FOCAD: variants seen among roughly 807,000 people sequenced by gnomAD.
FOCAD encodes focadhesin.
A neutral mutation model predicts 225.6 loss-of-function variants in FOCAD; 198 were observed. The observed-to-expected ratio is 0.88, with a 90% confidence interval of 0.78 to 0.99. The LOEUF (loss-of-function observed/expected upper bound fraction) is 0.99. Ranked by LOEUF, FOCAD falls within the 50% of genes least tolerant of loss-of-function variation. The pLI, the probability that FOCAD is intolerant of heterozygous loss-of-function variation, is 0.00. For missense variants in FOCAD, 2,713 were observed against 2,123.6 expected (o/e 1.28, Z -5.46); for synonymous variants, 897 against 755.0 (o/e 1.19, Z -3.08).
intron 35 of FOCAD, among the ~76,000 whole-genome samples, chr9:20,967,219 G>A (rs1587739963): frequency 2.0e-5 from 3 of 152,030 alleles, no homozygotes; most frequent in Admixed American, 2.0e-4. Flanking sequence ...AAACTTTTCG[G>A]TGTATAAGTC....
chr9:20,715,693 G>T (rs72701992), intron 2 of FOCAD, among the ~76,000 whole-genome samples: 27,334 of 151,268 alleles, frequency 0.18, 2,824 homozygotes, highest in South Asian at 0.35. Context: ...TGTTTGTTTG[G>T]TTTTTTTTGG....
intron 10 of FOCAD, among the ~76,000 whole-genome samples, chr9:20,783,435 T>A (rs1169582256): frequency 6.6e-6 from 1 of 152,120 alleles, no homozygotes; most frequent in East Asian, 1.9e-4. Flanking sequence ...CACCTATGAA[T>A]TTAACATGCC....
At chr9:20,935,248 A>G (rs1835841715) in intron 28 of FOCAD, among the ~76,000 whole-genome samples, 1 of 152,222 alleles carries the variant, frequency 6.6e-6, no homozygotes, top group Non-Finnish European at 1.5e-5. Context: ...GGTTTCAGCA[A>G]TAGACAAATT....
rs1554658938 is a variant in FOCAD, at chr9:20,705,953, T to TA, written c.-32-9366dup. Among the ~76,000 whole-genome samples, 177 of 129,792 alleles carry TA rather than the reference T, an allele frequency of 1.4e-3. 4 individuals carry two copies. The highest frequency in any genetic ancestry group is 5.0e-3 in the African/African-American group (171 of 34,260). 85.1% of individuals were successfully genotyped at this position (129,792 alleles called of 152,430 possible). A position where few individuals can be genotyped will look rare whatever the true frequency, so the allele number is the denominator to read the frequency against. On this transcript the variant is annotated intron_variant, in intron 1 of 43. Transcript: ENST00000338382. ...TTTTTTTTTTTTTTTTTTTTTTTTT[T>TA]AAACAGTGGCTGGTTCTGTCACCCA...
intron 36 of FOCAD, 52 bp downstream of exon 36, chr9:20,976,600 TGAATG>T (rs754622584): frequency 2.5e-6 from 4 of 1,572,864 alleles, no homozygotes; most frequent in Non-Finnish European, 3.5e-6. Context: ...GTATTTGACC[TGAATG>T]GAAAAACAGA....
At chr9:20,928,980 A>G (rs763194047) in intron 26 of FOCAD, 6 of 157,758 alleles carry the variant, frequency 3.8e-5, no homozygotes, top group Non-Finnish European at 8.3e-5. Flanking sequence ...GTCCAAGCTC[A>G]GATAGCTTCA....
At chr9:20,730,913 A>G (rs1454783704) in intron 4 of FOCAD, among the ~76,000 whole-genome samples, 2 of 151,342 alleles carry the variant, frequency 1.3e-5, no homozygotes, top group Non-Finnish European at 3.0e-5. Context: ...AAGTTAAATG[A>G]AAAAAAAACC....
At chr9:20,945,416 C>T (rs1193038658) in intron 29 of FOCAD, among the ~76,000 whole-genome samples, 1 of 152,142 alleles carries the variant, frequency 6.6e-6, no homozygotes, top group Non-Finnish European at 1.5e-5. Flanking sequence ...CGTGGCCTGG[C>T]CTGATTCTCT....
chr9:20,745,914 A>G (rs1828002273), intron 5 of FOCAD, among the ~76,000 whole-genome samples: 1 of 152,130 alleles, frequency 6.6e-6, no homozygotes, highest in South Asian at 2.1e-4. Context: ...CTATGTTTGT[A>G]TTTGTTCATC....
intron 16 of FOCAD, among the ~76,000 whole-genome samples, chr9:20,864,026 T>TG (rs1490955940): frequency 6.6e-6 from 1 of 152,072 alleles, no homozygotes; most frequent in Non-Finnish European, 1.5e-5. Flanking sequence ...CGGACTGCTT[T>TG]GGGGCCGTTC....
At chr9:20,952,891 T>A (rs1837808871) in intron 34 of FOCAD, 94 bp from the exon 35 acceptor site, 2 of 946,216 alleles carry the variant, frequency 2.1e-6, no homozygotes, top group Non-Finnish European at 3.4e-6. Context: ...CTCCACTTTG[T>A]CTCTAGGTTG....
chr9:20,769,914 C>T, intron 7 of FOCAD, 118 bp from the exon 8 acceptor site: 1 of 850,322 alleles, frequency 1.2e-6, no homozygotes, highest in Admixed American at 2.8e-5. Context: ...TTTTTCATCT[C>T]CTTTAAGTCT....
intron 15 of FOCAD, among the ~76,000 whole-genome samples, chr9:20,825,491 C>G (rs1302773931): frequency 6.6e-6 from 1 of 151,906 alleles, no homozygotes; most frequent in Non-Finnish European, 1.5e-5. Context: ...TGTTTAGATC[C>G]TTGACTATCA....
At chr9:20,754,640 C>T (rs1828880404) in intron 5 of FOCAD, among the ~76,000 whole-genome samples, 1 of 151,618 alleles carries the variant, frequency 6.6e-6, no homozygotes, top group Non-Finnish European at 1.5e-5. Context: ...TGGAGTGATT[C>T]TTGACCAGGA....
At chr9:20,845,984 G>GT (rs1291410294) in intron 15 of FOCAD, among the ~76,000 whole-genome samples, 2 of 152,234 alleles carry the variant, frequency 1.3e-5, no homozygotes, top group Admixed American at 1.3e-4. Flanking sequence ...TTATTATGAG[G>GT]TTTTGTACTA....
At chr9:20,711,971 G>A (rs1586915375) in intron 1 of FOCAD, among the ~76,000 whole-genome samples, 1 of 152,184 alleles carries the variant, frequency 6.6e-6, no homozygotes, top group African/African-American at 2.4e-5. Flanking sequence ...CAGACTGATA[G>A]TATAGATGGT....
At chr9:20,830,585 C>T (rs753659104) in intron 15 of FOCAD, among the ~76,000 whole-genome samples, 30 of 151,908 alleles carry the variant, frequency 2.0e-4, no homozygotes, top group African/African-American at 7.3e-4. Flanking sequence ...TTTGATGTAG[C>T]GACATATTTT....
intron 9 of FOCAD, among the ~76,000 whole-genome samples, chr9:20,779,107 T>A (rs945456311): frequency 1.3e-5 from 2 of 152,160 alleles, no homozygotes; most frequent in Non-Finnish European, 2.9e-5. Context: ...AGAAAAGTGT[T>A]TAGTAGTTGT....
chr9:20,860,572 C>G (rs1828677864), intron 15 of FOCAD, among the ~76,000 whole-genome samples: 1 of 152,096 alleles, frequency 6.6e-6, no homozygotes, highest in Non-Finnish European at 1.5e-5. Context: ...ACTCTGTAGC[C>G]CAGGCTCGAG....
Sources: allele counts gnomAD v4.1 joint callset (sites outside exome capture counted in the v4.1 genomes callset), GRCh38; gene constraint gnomAD v4.1.1; transcripts MANE v1.5; gene names NCBI Gene and HGNC (gene_info 2026-07-23, HGNC 2026-07-21).